The following SLIT1 variants were observed in gnomAD, a reference collection of about 807,000 sequenced individuals.
The protein encoded by SLIT1 is slit guidance ligand 1.
Under a neutral mutation model 186.1 loss-of-function variants are expected in SLIT1, and 66 were observed. That is an observed-to-expected ratio of 0.35 (90% CI 0.29 to 0.44). The LOEUF (loss-of-function observed/expected upper bound fraction) is 0.44, where lower values mean the gene tolerates loss of function less well. Among genes scored for constraint, SLIT1 ranks in the 20% least tolerant of loss-of-function variants. The pLI is 1.00. For missense variants in SLIT1, 1,638 were observed against 2,037.4 expected (o/e 0.80, Z 3.77); for synonymous variants, 761 against 833.8 (o/e 0.91, Z 1.50).
chr10:97,079,861 G>T (rs551360713), intron 4 of SLIT1, among the ~76,000 whole-genome samples: 1 of 152,268 alleles, frequency 6.6e-6, no homozygotes, highest in African/African-American at 2.4e-5. Context: ...ACCCTGCTCT[G>T]GGACAAGACT....
chr10:97,173,892 C>T lies in SLIT1; in HGVS notation c.198-9002G>A, dbSNP rs914797908. Among the ~76,000 whole-genome samples the T allele has an allele frequency of 3.3e-5, 5 of 152,168 alleles. No individual in the cohort carries two copies. The South Asian group carries it at 6.2e-4, about 19-fold the overall frequency. ...AAGGCCTCTGGCCAGCCTGCCTTGGCCCAGGGGGTAGAAGAATAATTATTC... is the reference window on the plus strand; with the variant it reads ...AAGGCCTCTGGCCAGCCTGCCTTGGTCCAGGGGGTAGAAGAATAATTATTC... On this transcript the variant is annotated intron_variant, in intron 1 of 36. Coordinates refer to ENST00000266058, the MANE Select transcript of SLIT1 (RefSeq NM_003061.3).
In SLIT1 at chr10:97,115,207, G is replaced by T. The variant is rs568993738; in HGVS notation, c.413+42611C>A. On this transcript the variant is annotated intron_variant, in intron 4 of 36. Coordinates refer to ENST00000266058, the MANE Select transcript of SLIT1 (RefSeq NM_003061.3). ...GGCTTCCCCGTAAGGTTGGTTTAGAGATTGCCCACCTGGGCTCTGCTTGAC... is the reference window on the plus strand; with the variant it reads ...GGCTTCCCCGTAAGGTTGGTTTAGATATTGCCCACCTGGGCTCTGCTTGAC... Among the ~76,000 whole-genome samples the T allele has an allele frequency of 3.9e-5, 6 of 152,344 alleles. No homozygotes were observed. In the East Asian group the frequency reaches 1.2e-3, roughly 29 times the overall value.
chr10:97,112,262 TACTC>T (rs890298875), intron 4 of SLIT1, among the ~76,000 whole-genome samples: 3 of 151,974 alleles, frequency 2.0e-5, no homozygotes, highest in African/African-American at 7.2e-5. Context: ...CGCCCTGTGA[TACTC>T]ACCCCTCGGC....
chr10:97,065,699 T>C (rs995655375), intron 5 of SLIT1: 8 of 269,606 alleles, frequency 3.0e-5, no homozygotes, highest in African/African-American at 1.7e-4. Context: ...CCAACCCAAA[T>C]ATGAGGCGGG....
intron 1 of SLIT1, 36 bp from the exon 2 acceptor site, chr10:97,164,926 A>G (rs1158282025): frequency 2.0e-6 from 3 of 1,530,398 alleles, no homozygotes; most frequent in Non-Finnish European, 1.8e-6. Flanking sequence ...CAGTGGGGTG[A>G]GCAGGGTAAG....
intron 8 of SLIT1, 33 bp from the exon 9 acceptor site, chr10:97,060,820 T>C (rs751277107): frequency 1.3e-6 from 2 of 1,545,396 alleles, no homozygotes; most frequent in Admixed American, 1.9e-5. Context: ...CCTCAGGCTG[T>C]CATGCATCAG....
chr10:97,041,471 T>C (rs1481712576), intron 20 of SLIT1, among the ~76,000 whole-genome samples: 1 of 145,898 alleles, frequency 6.9e-6, no homozygotes, highest in Non-Finnish European at 1.5e-5. Context: ...GGCAAATCGT[T>C]AATTTTTTTT....
rs1473046384 is a variant in SLIT1, at chr10:97,021,752, G to A, written c.2583-339C>T. ...TAATTTTTGTATTTTTAGTAGAGAC[G>A]GGGTTTCACCATATTGACCAGGCTG... On this transcript the variant is annotated intron_variant, in intron 25 of 36. Coordinates refer to ENST00000266058, the MANE Select transcript of SLIT1 (RefSeq NM_003061.3). The surrounding 1 kb of genome is among the most constrained non-coding windows in gnomAD (Gnocchi z 4.5). Among the ~76,000 whole-genome samples the A allele has an allele frequency of 1.3e-5, 2 of 151,906 alleles. No individual in the cohort carries two copies. Among genetic ancestry groups the A allele is most frequent in the African/African-American group, 2.4e-5 (1 of 41,338 alleles).
chr10:97,027,530 A>C (rs1848556511), intron 25 of SLIT1, among the ~76,000 whole-genome samples: 1 of 152,250 alleles, frequency 6.6e-6, no homozygotes, highest in Non-Finnish European at 1.5e-5. Flanking sequence ...TTCGTAGAGA[A>C]ATTAAGCTTA....
At chr10:97,170,190 G>C (rs566085897) in intron 1 of SLIT1, among the ~76,000 whole-genome samples, 2 of 152,300 alleles carry the variant, frequency 1.3e-5, no homozygotes, top group Non-Finnish European at 2.9e-5. Context: ...CAGACCATCC[G>C]GCTTCAAATT....
intron 36 of SLIT1, 79 bp downstream of exon 36, chr10:97,002,079 G>T: frequency 1.0e-6 from 1 of 956,064 alleles, no homozygotes; most frequent in Non-Finnish European, 1.5e-6. Flanking sequence ...GGGCTGCCGA[G>T]ACTGGGAGGA....
Position 97,068,068 on chromosome 10 carries a change from G to A in SLIT1, c.414-1982C>T, listed in dbSNP as rs942248894. On this transcript the variant is annotated intron_variant, in intron 4 of 36. Coordinates refer to ENST00000266058, the MANE Select transcript of SLIT1 (RefSeq NM_003061.3). The surrounding 1 kb of genome is among the most constrained non-coding windows in gnomAD (Gnocchi z 4.2). ...AGAACTGTGAGAAGGCACTGGACCA[G>A]CTGCTGCTGCACCCCAGCACCTAGG... Among the ~76,000 whole-genome samples the A allele has an allele frequency of 1.1e-4, 17 of 152,348 alleles. No individual in the cohort carries two copies. The highest frequency in any genetic ancestry group is 4.1e-4 in the African/African-American group (17 of 41,576).
chr10:97,110,178 T>C lies in SLIT1; in HGVS notation c.414-44092A>G, dbSNP rs1024630094. Reference sequence around the variant, plus strand: ...GAAACAATTCCACGGCTTGAAACCATATAGAGGTGCCAGCCCTTCACTCAA... The same window carrying C: ...GAAACAATTCCACGGCTTGAAACCACATAGAGGTGCCAGCCCTTCACTCAA... On this transcript the variant is annotated intron_variant, in intron 4 of 36. Coordinates refer to ENST00000266058, the MANE Select transcript of SLIT1 (RefSeq NM_003061.3). 4.6e-5 allele frequency among the ~76,000 whole-genome samples: 7 copies of C among 152,322 alleles called. No individual in the cohort carries two copies. The East Asian group carries it at 1.3e-3, about 29-fold the overall frequency.
intron 25 of SLIT1, among the ~76,000 whole-genome samples, chr10:97,028,073 T>A (rs1433962983): frequency 6.6e-6 from 1 of 152,128 alleles, no homozygotes; most frequent in Admixed American, 6.5e-5. Flanking sequence ...CAAGCACAAA[T>A]GCACTCTGGA....
intron 4 of SLIT1, among the ~76,000 whole-genome samples, chr10:97,098,404 G>A (rs1253749255): frequency 1.3e-5 from 2 of 152,232 alleles, no homozygotes; most frequent in African/African-American, 4.8e-5. Flanking sequence ...CAGGTTTTCA[G>A]TCAGAGAAGA....
chr10:97,124,529 G>C (rs1849587354), intron 4 of SLIT1, among the ~76,000 whole-genome samples: 1 of 152,208 alleles, frequency 6.6e-6, no homozygotes. Flanking sequence ...AACCACCTAG[G>C]AGCAAATGTA....
At chr10:97,059,122 G>A (rs1038924826) in intron 11 of SLIT1, among the ~76,000 whole-genome samples, 26 of 152,216 alleles carry the variant, frequency 1.7e-4, no homozygotes, top group African/African-American at 5.5e-4. Flanking sequence ...GCTGGGCTTC[G>A]GGCGGGGGAC....
At chr10:97,082,801 T>C (rs1849118706) in intron 4 of SLIT1, among the ~76,000 whole-genome samples, 1 of 152,182 alleles carries the variant, frequency 6.6e-6, no homozygotes. Context: ...ACGTTAATAG[T>C]CAGAGAGAAT....
intron 4 of SLIT1, among the ~76,000 whole-genome samples, chr10:97,140,318 C>CA (rs1373806863): frequency 2.6e-5 from 4 of 152,180 alleles, no homozygotes; most frequent in Admixed American, 2.6e-4. Context: ...TGTTACCCTG[C>CA]AGCTCTCAGG....
Sources: gnomAD v4.1 joint callset for allele counts (sites outside exome capture counted in the v4.1 genomes callset) on GRCh38, gnomAD v4.1.1 for gene constraint, Gnocchi (gnomAD v3.1) non-coding constraint, MANE v1.5 for transcripts, NCBI Gene and HGNC (gene_info 2026-07-23, HGNC 2026-07-21) for gene names.